Variants in RPL23A observed in about 807,000 individuals in gnomAD.
RPL23A encodes the protein ribosomal protein L23a.
A neutral mutation model predicts 17.6 loss-of-function variants in RPL23A; 2 were observed. The ratio of observed to expected loss-of-function variants is 0.11; its 90% confidence interval spans 0.05 to 0.36. The LOEUF (loss-of-function observed/expected upper bound fraction) is 0.36. Ranked by LOEUF, RPL23A falls within the 10% of genes least tolerant of loss-of-function variation. RPL23A has a pLI of 1.00. For missense variants in RPL23A, 132 were observed against 194.4 expected, an observed-to-expected ratio of 0.68 and a Z score of 1.91; for synonymous variants, 65 against 74.3, an observed-to-expected ratio of 0.87 and a Z score of 0.65.
chr17:28,720,398 G>GCC (rs2034092479), intron 1 of RPL23A: 1 of 1,587,120 alleles, frequency 6.3e-7, no homozygotes. Context: ...TACATTACCC[G>GCC]CCCCTCTCTC....
Position 28,719,987 on chromosome 17 carries a change from T to C in RPL23A, c.-19T>C, listed in dbSNP as rs536101438. ...GCTATAAGCCCGTGGGAACGAGCAT[T>C]GGAGACCCTTTTCACAAGATGGCGC... On this transcript the variant is annotated 5_prime_UTR_variant, in exon 1 of 5. Coordinates refer to ENST00000422514, the MANE Select transcript of RPL23A (RefSeq NM_000984.6). 6.4e-7 allele frequency: 1 copy of C among 1,551,866 alleles called. No homozygotes were observed. The highest frequency in any genetic ancestry group is 2.0e-5 in the Admixed American group (1 of 51,018).
intron 1 of RPL23A, chr17:28,720,320 C>G: frequency 6.4e-7 from 1 of 1,550,754 alleles, no homozygotes; most frequent in Non-Finnish European, 8.7e-7. Context: ...GCTCCATGTC[C>G]CCGGGCCTGT....
rs1305316453 is a variant in RPL23A at position 28,720,772 on chromosome 17, G to A, written c.91G>A (p.Gly31Ser). The A allele has an allele frequency of 3.7e-6, 6 of 1,612,520 alleles. No homozygotes were observed. The highest frequency in any genetic ancestry group is 3.3e-5 in the Admixed American group (2 of 60,008). The change falls in exon 2 of 5, where the codon GGT becomes AGT. Residue 31 changes from glycine to serine, a missense_variant. By Grantham distance (56) the Gly-to-Ser change is moderately conservative (BLOSUM62 0). This residue lies in a region of RPL23A where 63 missense variants were observed against 48.9 expected (regional missense o/e 1.29). Coordinates refer to ENST00000422514, the MANE Select transcript of RPL23A (RefSeq NM_000984.6). ...AAAGGCCAAGAAGGCAGTGTTGAAA[G>A]GTGTCCACAGCCACAAAAAGAAGAA... Reference protein sequence around the residue: ...ALKAKKAVLKGVHSHKKKKIR... With the variant: ...ALKAKKAVLKSVHSHKKKKIR...
chr17:28,720,194 G>T, intron 1 of RPL23A, 164 bp downstream of exon 1: 2 of 1,532,038 alleles, frequency 1.3e-6, no homozygotes, highest in Non-Finnish European at 8.8e-7. Context: ...CGTGGGCCCA[G>T]CCTCGTGGGC....
At chr17:28,721,205 C>G (rs750165138) in intron 2 of RPL23A, 5 of 258,862 alleles carry the variant, frequency 1.9e-5, no homozygotes, top group Non-Finnish European at 3.8e-5. Flanking sequence ...ATAGAAAATT[C>G]GCCGGGCATG....
intron 2 of RPL23A, 65 bp downstream of exon 2, chr17:28,720,955 A>G: frequency 3.6e-6 from 5 of 1,399,332 alleles, no homozygotes; most frequent in Non-Finnish European, 5.0e-6. Context: ...TTGGAAATTC[A>G]CTCACTCTGC....
At chr17:28,722,551 G>C (rs767387320) in intron 2 of RPL23A, 172 bp from the exon 3 acceptor site, 3 of 770,342 alleles carry the variant, frequency 3.9e-6, no homozygotes, top group Non-Finnish European at 7.3e-6. Context: ...TTCTGCCCCT[G>C]GGATTGGGGC....
intron 2 of RPL23A, 131 bp downstream of exon 2, chr17:28,721,021 G>A (rs1320135630): frequency 2.7e-5 from 22 of 804,946 alleles, no homozygotes. Flanking sequence ...TTGGAAGTAT[G>A]AGGAGATTGT....
chr17:28,721,854 G>A (rs1169529416), intron 2 of RPL23A: 1 of 152,184 alleles, frequency 6.6e-6, no homozygotes, highest in Non-Finnish European at 1.5e-5. Flanking sequence ...CCGCCACCAA[G>A]CTGGACCTAG....
rs1428366824 is a variant in RPL23A, at chr17:28,720,040, G to C, written c.25+10G>C. ...AAAGCGAAGAAGGAAGGTGTGTGTT[G>C]GTGATGGGGCCGCAGCTGGTTTACC... On this transcript the variant is annotated intron_variant, in intron 1 of 4. Coordinates refer to ENST00000422514, the MANE Select transcript of RPL23A (RefSeq NM_000984.6). 5.2e-6 allele frequency: 8 copies of C among 1,551,458 alleles called. No homozygotes were observed. In the South Asian group the frequency reaches 8.3e-5, roughly 16 times the overall value.
chr17:28,720,982 C>T (rs1228680454), intron 2 of RPL23A, 92 bp downstream of exon 2: 7 of 1,114,828 alleles, frequency 6.3e-6, no homozygotes, highest in East Asian at 2.5e-5. Context: ...GTTTCTCAAA[C>T]GCAAATTGTG....
chr17:28,723,889 C>G lies in RPL23A; in HGVS notation c.*8C>G, dbSNP rs202107060. Reference sequence around the variant, plus strand: ...CAGATTGGGATCATCTAAACTGAGTCCAGCTGCCTAATTCTGAATATATAT... The same window carrying G: ...CAGATTGGGATCATCTAAACTGAGTGCAGCTGCCTAATTCTGAATATATAT... On this transcript the variant is annotated 3_prime_UTR_variant, in exon 5 of 5. Transcript: ENST00000422514. 2.5e-6 allele frequency: 4 copies of G among 1,588,264 alleles called. No homozygotes were observed. The East Asian group carries it at 8.9e-5, about 35-fold the overall frequency.
chr17:28,721,813 A>T (rs1230139659), intron 2 of RPL23A: 22 of 152,130 alleles, frequency 1.4e-4, no homozygotes, highest in Admixed American at 1.4e-3. Context: ...TCATATAGGA[A>T]AGCAGTTCAC....
intron 1 of RPL23A, 56 bp from the exon 2 acceptor site, chr17:28,720,651 C>A: frequency 6.3e-7 from 1 of 1,588,018 alleles, no homozygotes; most frequent in Admixed American, 1.7e-5. Context: ...GTTCTTGGGG[C>A]CGGAAGTGAC....
intron 1 of RPL23A, 198 bp downstream of exon 1, chr17:28,720,228 G>C (rs566010875): frequency 1.4e-4 from 213 of 1,539,130 alleles, no homozygotes; most frequent in East Asian, 1.0e-3. Context: ...AGGGAGTTGG[G>C]GGGGGGCAAC....
chr17:28,720,487 T>TAA, intron 1 of RPL23A: 1 of 1,587,612 alleles, frequency 6.3e-7, no homozygotes, highest in Middle Eastern at 1.7e-4. Flanking sequence ...CATTCAGTGC[T>TAA]ACTTTGTTTC....
rs2034100121 is a variant in RPL23A at position 28,720,755 on chromosome 17, A to G, written c.74A>G (p.Lys25Arg). The G allele has an allele frequency of 6.2e-7, 1 of 1,613,932 alleles. No homozygotes were observed. Among genetic ancestry groups the G allele is most frequent in the African/African-American group, 1.3e-5 (1 of 75,032 alleles). Residue 25 changes from lysine to arginine, a missense_variant, in exon 2 of 5, where the codon AAG becomes AGG. Physicochemically the swap from Lys to Arg is conservative, Grantham distance 26 (BLOSUM62 2). Transcript: ENST00000422514. ...GCCAAAGCGAAGGCTTTAAAGGCCA[A>G]GAAGGCAGTGTTGAAAGGTGTCCAC... ...AEAKAKALKA[K>R]KAVLKGVHSH...
chr17:28,720,383 C>G, intron 1 of RPL23A: 1 of 1,571,766 alleles, frequency 6.4e-7, no homozygotes. Context: ...CATGTTCAAC[C>G]GGGCTACATT....
At chr17:28,723,277 AT>A in intron 3 of RPL23A, 1 of 573,350 alleles carries the variant, frequency 1.7e-6, no homozygotes, top group Non-Finnish European at 3.2e-6. Context: ...CTAGGACTTG[AT>A]TGGGGGTTGG....
Sources: gnomAD v4.1 joint callset for allele counts on GRCh38, gnomAD v4.1.1 for gene constraint, gnomAD v4.1.1 regional missense constraint, MANE v1.5 for transcripts, NCBI Gene and HGNC (gene_info 2026-07-23, HGNC 2026-07-21) for gene names.